The following ANK3 variants were observed in gnomAD, a reference collection of about 807,000 sequenced individuals.
The protein encoded by ANK3 is ankyrin 3.
A neutral mutation model predicts 370.9 loss-of-function variants in ANK3; 57 were observed. The observed-to-expected ratio is 0.15, with a 90% CI of 0.12 to 0.19. The LOEUF (loss-of-function observed/expected upper bound fraction) is 0.19. ANK3 is among the 10% of genes least tolerant of loss of function. The probability of loss-of-function intolerance (pLI) is 1.00; values close to 1 mark genes in which losing one functional copy is unlikely to be tolerated. For missense variants in ANK3, 4,439 were observed against 5,302.1 expected (o/e 0.84, Z 5.06); for synonymous variants, 1,929 against 1,946.3 (o/e 0.99, Z 0.23).
chr10:60,176,864 T>C (rs192351221), intron 18 of ANK3, among the ~76,000 whole-genome samples: 5 of 152,366 alleles, frequency 3.3e-5, no homozygotes, highest in African/African-American at 4.8e-5. Flanking sequence ...TCTCAGCTTA[T>C]AGACATATTT....
At chr10:60,232,739 C>A (rs1183627960) in intron 8 of ANK3, among the ~76,000 whole-genome samples, 1 of 152,124 alleles carries the variant, frequency 6.6e-6, no homozygotes, top group Non-Finnish European at 1.5e-5. Context: ...GGTCAAAGTA[C>A]AGAATACAAA....
intron 1 of ANK3, among the ~76,000 whole-genome samples, chr10:60,677,974 G>C (rs1034644550): frequency 6.6e-6 from 1 of 152,010 alleles, no homozygotes; most frequent in African/African-American, 2.4e-5. Flanking sequence ...CTTACTAACA[G>C]TACTTTGCCA....
chr10:60,245,066 G>T (rs1345986125), intron 7 of ANK3, among the ~76,000 whole-genome samples: 1 of 152,194 alleles, frequency 6.6e-6, no homozygotes, highest in Non-Finnish European at 1.5e-5. Flanking sequence ...CTACTTGGGA[G>T]GTTGAGGCAG....
chr10:60,177,322 T>C (rs2095996736), intron 18 of ANK3, among the ~76,000 whole-genome samples: 1 of 152,222 alleles, frequency 6.6e-6, no homozygotes, highest in Non-Finnish European at 1.5e-5. Context: ...TTCCGAAATC[T>C]GCATCTTTAG....
intron 28 of ANK3, among the ~76,000 whole-genome samples, chr10:60,092,971 G>C (rs1165030065): frequency 2.0e-5 from 3 of 152,162 alleles, no homozygotes; most frequent in Non-Finnish European, 4.4e-5. Context: ...CCTGACCTCA[G>C]GCAATCCGGC....
rs904145056 is a variant in ANK3 at position 60,603,468 on chromosome 10, T to A, written c.96+11718A>T. The stretch of plus-strand genomic sequence containing the variant: ...AATTAGGAGGGAGAAATGCAAATTA[T>A]AAAGTTTATATGCAAATATTATATC... On this transcript the variant is annotated intron_variant, in intron 2 of 43. Coordinates refer to the ANK3 transcript ENST00000373827. Among the ~76,000 whole-genome samples the A allele has an allele frequency of 3.9e-5, 6 of 152,162 alleles. No individual in the cohort carries two copies. The East Asian group carries it at 1.2e-3, about 29-fold the overall frequency.
At chr10:60,169,698 T>A (rs917133805) in intron 21 of ANK3, among the ~76,000 whole-genome samples, 21 of 152,288 alleles carry the variant, frequency 1.4e-4, no homozygotes, top group African/African-American at 4.8e-4. Flanking sequence ...CCTGAGAAAT[T>A]TGTGTCTTCT....
chr10:60,710,379 C>T (rs986756003), intron 1 of ANK3, among the ~76,000 whole-genome samples: 2 of 152,026 alleles, frequency 1.3e-5, no homozygotes, highest in Admixed American at 6.6e-5. Context: ...ACCTTTCTCT[C>T]AAGCGTAAAT....
intron 1 of ANK3, among the ~76,000 whole-genome samples, chr10:60,345,934 C>A (rs2055362455): frequency 6.6e-6 from 1 of 151,750 alleles, no homozygotes; most frequent in Non-Finnish European, 1.5e-5. Context: ...AAAACTAGTT[C>A]AAAAATAATT....
chr10:60,093,430 G>T (rs557659934), intron 28 of ANK3, among the ~76,000 whole-genome samples: 1 of 152,264 alleles, frequency 6.6e-6, no homozygotes, highest in Non-Finnish European at 1.5e-5. Flanking sequence ...TCCTAATTCT[G>T]CTTATAACAA....
At chr10:60,271,972 T>C (rs2097995067) in intron 4 of ANK3, among the ~76,000 whole-genome samples, 1 of 151,552 alleles carries the variant, frequency 6.6e-6, no homozygotes, top group Non-Finnish European at 1.5e-5. Context: ...TTCAATCTTC[T>C]TCCTTTTAAA....
intron 1 of ANK3, among the ~76,000 whole-genome samples, chr10:60,702,103 A>T (rs1384202576): frequency 6.6e-6 from 1 of 152,066 alleles, no homozygotes; most frequent in Non-Finnish European, 1.5e-5. Flanking sequence ...TACAAAAAAA[A>T]GTAAATAAAG....
At chr10:60,298,138 A>G (rs1460686386) in intron 1 of ANK3, among the ~76,000 whole-genome samples, 2 of 152,216 alleles carry the variant, frequency 1.3e-5, no homozygotes, top group African/African-American at 4.8e-5. Context: ...TCTAAAATGC[A>G]CACTAAAATT....
At chr10:60,230,072 G>A (rs1255825874) in intron 8 of ANK3, among the ~76,000 whole-genome samples, 1 of 152,194 alleles carries the variant, frequency 6.6e-6, no homozygotes, top group African/African-American at 2.4e-5. Flanking sequence ...CTAAATACAA[G>A]TATAGCTGCT....
In ANK3 at chr10:60,105,954, A is replaced by G. The variant is rs562083248; in HGVS notation, c.3279T>C (p.Phe1093=). 6 of 1,612,172 alleles carry G rather than the reference A, an allele frequency of 3.7e-6. 1 individual carries two copies. In the Middle Eastern group the frequency reaches 6.6e-4, roughly 178 times the overall value. Residue 1093 remains phenylalanine (F), a synonymous_variant, in exon 28 of 44, where the codon TTT becomes TTC. Transcript: ENST00000280772. The part of the protein sequence containing the change: ...ENGETWKEHQ[F]DSKNEDLTEL... ...CGGTTAAATCTTCATTTTTGCTGTC[A>G]AACTGATGCTCCTTCCAAGTTTCAC...
intron 2 of ANK3, among the ~76,000 whole-genome samples, chr10:60,407,453 T>C (rs2063477813): frequency 6.6e-6 from 1 of 152,218 alleles, no homozygotes; most frequent in Admixed American, 6.5e-5. Flanking sequence ...CGAGGGTATA[T>C]GTGAGTGTTA....
At chr10:60,522,431 T>C (rs2076369983) in intron 2 of ANK3, among the ~76,000 whole-genome samples, 1 of 151,702 alleles carries the variant, frequency 6.6e-6, no homozygotes. Context: ...CTTTGCTAGA[T>C]TAAAAAAAAT....
At chr10:60,642,860 T>A (rs1381245456) in intron 1 of ANK3, among the ~76,000 whole-genome samples, 1 of 152,172 alleles carries the variant, frequency 6.6e-6, no homozygotes, top group Non-Finnish European at 1.5e-5. Context: ...ACAATGTGCA[T>A]GTGTCCAATA....
chr10:60,675,234 A>G (rs2079109939), intron 1 of ANK3, among the ~76,000 whole-genome samples: 1 of 152,232 alleles, frequency 6.6e-6, no homozygotes, highest in Non-Finnish European at 1.5e-5. Flanking sequence ...GAGTCAGTAC[A>G]TTAATCAAGT....
Sources: allele counts gnomAD v4.1 joint callset (sites outside exome capture counted in the v4.1 genomes callset), GRCh38; gene constraint gnomAD v4.1.1; transcripts MANE v1.5; gene names NCBI Gene and HGNC (gene_info 2026-07-23, HGNC 2026-07-21).